PRDM2: variants seen among roughly 807,000 people sequenced by gnomAD.
The protein encoded by PRDM2 is PR domain zinc finger protein 2.
Under a neutral mutation model 130.0 loss-of-function variants are expected in PRDM2, and 30 were observed. That is an observed-to-expected ratio of 0.23 (90% CI 0.17 to 0.31). PRDM2 has a LOEUF of 0.31. Among genes scored for constraint, PRDM2 ranks in the 10% least tolerant of loss-of-function variants. PRDM2 has a pLI of 1.00. For synonymous variants in PRDM2, 871 were observed against 782.4 expected (o/e 1.11, Z -1.89); for missense variants, 2,011 against 2,108.4 (o/e 0.95, Z 0.90).
intron 9 of PRDM2, among the ~76,000 whole-genome samples, chr1:13,822,205 A>G (rs928756952): frequency 6.6e-6 from 1 of 152,086 alleles, no homozygotes; most frequent in African/African-American, 2.4e-5. Flanking sequence ...GAGAATGCTG[A>G]TGTGTTATCT....
At chr1:13,804,650 CA>C (rs1645060571) in intron 8 of PRDM2, among the ~76,000 whole-genome samples, 1 of 152,176 alleles carries the variant, frequency 6.6e-6, no homozygotes, top group South Asian at 2.1e-4. Context: ...GGATCTAGAC[CA>C]GTGGCCTGCA....
intron 8 of PRDM2, among the ~76,000 whole-genome samples, chr1:13,812,754 G>A (rs914126497): frequency 6.6e-6 from 1 of 152,176 alleles, no homozygotes; most frequent in African/African-American, 2.4e-5. Flanking sequence ...CAGGACCCTG[G>A]CTCACCTCCT....
At chr1:13,793,378 T>G (rs1200553987) in intron 8 of PRDM2, among the ~76,000 whole-genome samples, 1 of 152,026 alleles carries the variant, frequency 6.6e-6, no homozygotes, top group Non-Finnish European at 1.5e-5. Context: ...AAAACAGACC[T>G]AGGGAGGCAC....
chr1:13,773,131 C>A lies in PRDM2; in HGVS notation c.565C>A (p.Gln189Lys). The stretch of plus-strand genomic sequence containing the variant: ...CAAAGGAAACAAAATCCAAGACATA[C>A]AACTGAAGACAAGTGAGCCAGATTT... ...KNKGNKIQDI[Q>K]LKTSEPDFTS... Residue 189 changes from glutamine (Q) to lysine (K), a missense_variant, in exon 7 of 10, where the codon CAA (glutamine) becomes AAA (lysine). Gln to Lys is a moderately conservative substitution (Grantham distance 53). Around this residue, in one of 5 missense-constraint regions of PRDM2, gnomAD observed 1,288 missense variants for 1,237.7 expected, o/e 1.04. Transcript: ENST00000311066. The A allele has an allele frequency of 1.3e-6, 2 of 1,577,690 alleles. No homozygotes were observed. The highest frequency in any genetic ancestry group is 1.7e-6 in the Non-Finnish European group (2 of 1,166,244).
At chr1:13,822,749 C>G (rs965658979) in intron 9 of PRDM2, among the ~76,000 whole-genome samples, 19 of 152,200 alleles carry the variant, frequency 1.2e-4, no homozygotes, top group African/African-American at 4.3e-4. Context: ...AAACATCAAC[C>G]ACACATACAG....
chr1:13,755,282 T>G (rs2100560453), intron 6 of PRDM2, among the ~76,000 whole-genome samples: 1 of 152,310 alleles, frequency 6.6e-6, no homozygotes, highest in African/African-American at 2.4e-5. Flanking sequence ...ATTTTGCAAA[T>G]TTTTTAGCTG....
At chr1:13,810,184 C>G (rs1347582528) in intron 8 of PRDM2, among the ~76,000 whole-genome samples, 1 of 152,088 alleles carries the variant, frequency 6.6e-6, no homozygotes, top group Non-Finnish European at 1.5e-5. Flanking sequence ...TCAAGTTTGT[C>G]GACCTCTCAG....
At chr1:13,761,984 T>C (rs909501208) in intron 6 of PRDM2, among the ~76,000 whole-genome samples, 1 of 152,204 alleles carries the variant, frequency 6.6e-6, no homozygotes, top group Admixed American at 6.5e-5. Context: ...TTAGGAATTG[T>C]TAGTGGAAGC....
At chr1:13,820,070 A>G (rs1300517219) in intron 9 of PRDM2, among the ~76,000 whole-genome samples, 2 of 152,196 alleles carry the variant, frequency 1.3e-5, no homozygotes, top group Non-Finnish European at 2.9e-5. Context: ...AGAGACGGAA[A>G]CTGACACGGA....
intron 6 of PRDM2, among the ~76,000 whole-genome samples, chr1:13,752,063 C>CA (rs1643862629): frequency 1.3e-5 from 2 of 151,734 alleles, no homozygotes; most frequent in Non-Finnish European, 2.9e-5. Flanking sequence ...CAGTGATGAG[C>CA]AAAAAAGCAG....
intron 5 of PRDM2, among the ~76,000 whole-genome samples, chr1:13,743,399 CAAAAAAAAAAA>C (rs70984282): frequency 2.4e-5 from 1 of 41,798 alleles, no homozygotes; most frequent in Non-Finnish European, 4.3e-5. Context: ...GACTCTGTCT[CAAAAAAAAAAA>C]AAAAAAAAAA....
chr1:13,749,500 C>T lies in PRDM2; in HGVS notation c.511+13C>T. On this transcript the variant is annotated intron_variant, in intron 6 of 9. Coordinates refer to ENST00000311066, the MANE Select transcript of PRDM2 (RefSeq NM_001393986.1). ...AAGAGCCGGAAAGGTAGGAGCCCCC[C>T]GGCCCGCCCGCCCGGCCCCGGCGCC... 1 of 1,352,146 alleles carries T rather than the reference C, an allele frequency of 7.4e-7. No homozygotes were observed. Among genetic ancestry groups the T allele is most frequent in the Non-Finnish European group, 9.7e-7 (1 of 1,028,462 alleles). The allele number at this position is 1,352,146 out of a possible 1,614,324, so 83.8% of individuals were successfully genotyped here. A position where few individuals can be genotyped will look rare whatever the true frequency, so the allele number is the denominator to read the frequency against.
At chr1:13,724,831 GA>G (rs1642856654) in intron 2 of PRDM2, among the ~76,000 whole-genome samples, 1 of 152,152 alleles carries the variant, frequency 6.6e-6, no homozygotes. Context: ...CATAAAGGGA[GA>G]AAAAGGAAGG....
At chr1:13,769,125 G>A (rs768545388) in intron 6 of PRDM2, 15 of 985,156 alleles carry the variant, frequency 1.5e-5, no homozygotes, top group Non-Finnish European at 1.8e-5. Flanking sequence ...TAGACCAAGC[G>A]GAGCAGCCAG....
chr1:13,713,529 T>C (rs987832664), intron 1 of PRDM2, among the ~76,000 whole-genome samples: 1 of 152,236 alleles, frequency 6.6e-6, no homozygotes, highest in African/African-American at 2.4e-5. Context: ...GTGATGATGA[T>C]ACCGATGATT....
chr1:13,748,080 A>G (rs1643669523), intron 5 of PRDM2, among the ~76,000 whole-genome samples: 1 of 152,220 alleles, frequency 6.6e-6, no homozygotes, highest in Non-Finnish European at 1.5e-5. Flanking sequence ...TTATGGTTTC[A>G]TCATGATTAG....
rs367635039 is a variant in PRDM2 at position 13,806,832 on chromosome 1, T to C, written c.5037-9595T>C. ...CCTCACTTGAAGGCCTATGAGACCC[T>C]CCCCTCTGCCCACATCACCTCAGAC... is the stretch of plus-strand genomic sequence containing the variant. On this transcript the variant is annotated intron_variant, in intron 8 of 9. Transcript: ENST00000311066. This position sits in a 1 kb window ranked among gnomAD's most constrained non-coding sequence, Gnocchi z 4.1. 6.6e-6 allele frequency among the ~76,000 whole-genome samples: 1 copy of C among 152,108 alleles called. No homozygotes were observed. The highest frequency in any genetic ancestry group is 2.1e-4 in the South Asian group (1 of 4,826).
At chr1:13,753,459 T>A (rs1643883836) in intron 6 of PRDM2, among the ~76,000 whole-genome samples, 1 of 152,168 alleles carries the variant, frequency 6.6e-6, no homozygotes, top group South Asian at 2.1e-4. Flanking sequence ...TTTATCTGTC[T>A]CTACGATCAG....
rs1212082476 is a variant in PRDM2, at chr1:13,823,164, G to A, written c.*29G>A. On this transcript the variant is annotated 3_prime_UTR_variant, in exon 10 of 10. Coordinates refer to ENST00000311066, the MANE Select transcript of PRDM2 (RefSeq NM_001393986.1). Reference sequence around the variant, plus strand: ...TATTTTCTTTTTCTCCTCAGCACCTGAAGTGACCTGGAATCAGTGAAGCCA... The same window carrying A: ...TATTTTCTTTTTCTCCTCAGCACCTAAAGTGACCTGGAATCAGTGAAGCCA... 5.0e-6 allele frequency: 8 copies of A among 1,613,118 alleles called. No homozygotes were observed. Among genetic ancestry groups the A allele is most frequent in the Middle Eastern group, 1.6e-4 (1 of 6,062 alleles).
Sources: allele counts gnomAD v4.1 joint callset (sites outside exome capture counted in the v4.1 genomes callset), GRCh38; gene constraint gnomAD v4.1.1; regional missense constraint gnomAD v4.1.1; non-coding constraint Gnocchi (gnomAD v3.1); transcripts MANE v1.5; gene names NCBI Gene and HGNC (gene_info 2026-07-23, HGNC 2026-07-21).